The following DLGAP1 variants were observed in gnomAD, a reference collection of about 807,000 sequenced individuals.
DLGAP1 encodes the protein disks large-associated protein 1.
A neutral mutation model predicts 90.8 loss-of-function variants in DLGAP1; 11 were observed. That is an observed-to-expected ratio of 0.12 (90% CI 0.08 to 0.20). DLGAP1 has a LOEUF of 0.20. DLGAP1 is among the 10% of genes least tolerant of loss of function. The pLI, the probability that DLGAP1 is intolerant of heterozygous loss-of-function variation, is 1.00. For synonymous variants in DLGAP1, 558 were observed against 540.7 expected, an observed-to-expected ratio of 1.03 and a Z score of -0.44; for missense variants, 1,050 against 1,333.8, an observed-to-expected ratio of 0.79 and a Z score of 3.31.
intron 4 of DLGAP1, 63 bp from the exon 5 acceptor site, chr18:3,814,336 C>CA (rs2066987411): frequency 1.6e-5 from 18 of 1,147,414 alleles, no homozygotes; most frequent in Non-Finnish European, 2.2e-5. Flanking sequence ...TTTTCTTTTT[C>CA]TTTTTTTTTA....
intron 6 of DLGAP1, among the ~76,000 whole-genome samples, chr18:3,731,424 ATTC>A (rs1482928807): frequency 6.6e-6 from 1 of 151,998 alleles, no homozygotes; most frequent in African/African-American, 2.4e-5. Flanking sequence ...TTAAACTTAT[ATTC>A]TTTTCTTTTT....
chr18:3,993,585 T>C (rs116758800), intron 3 of DLGAP1, among the ~76,000 whole-genome samples: 98 of 152,214 alleles, frequency 6.4e-4, no homozygotes, highest in African/African-American at 2.1e-3. Flanking sequence ...TGCATTTGAA[T>C]TATTATTTAT....
At chr18:4,104,020 A>G (rs1349814473) in intron 2 of DLGAP1, among the ~76,000 whole-genome samples, 3 of 152,122 alleles carry the variant, frequency 2.0e-5, no homozygotes, top group African/African-American at 7.2e-5. Flanking sequence ...GTCTGTGTGT[A>G]TTCTTTAATC....
intron 5 of DLGAP1, among the ~76,000 whole-genome samples, chr18:3,753,298 T>C (rs368634876): frequency 1.3e-5 from 2 of 152,314 alleles, no homozygotes; most frequent in East Asian, 1.9e-4. Flanking sequence ...TGTGAACAGA[T>C]GGCAGCCTTG....
intron 2 of DLGAP1, among the ~76,000 whole-genome samples, chr18:4,145,865 C>T (rs1057037130): frequency 5.3e-5 from 8 of 152,082 alleles, no homozygotes; most frequent in African/African-American, 9.6e-5. Flanking sequence ...GAAAACAAAA[C>T]GTAATTTGCA....
chr18:4,343,034 G>A lies in DLGAP1; in HGVS notation c.-267+111972C>T, dbSNP rs201175139. On this transcript the variant is annotated intron_variant, in intron 1 of 12. Coordinates refer to ENST00000315677, the MANE Select transcript of DLGAP1 (RefSeq NM_004746.4). ...CTAAGTTTGGATTATGGGGCCGGGC[G>A]CGGTGGCTCATGCCTGTAATGCCAG... is the stretch of plus-strand genomic sequence containing the variant. Among the ~76,000 whole-genome samples, 19 of 152,202 alleles carry A rather than the reference G, an allele frequency of 1.2e-4. No individual in the cohort carries two copies. In the East Asian group the frequency reaches 2.3e-3, roughly 19 times the overall value.
At chr18:3,553,435 T>TTTTTCTTATCATTAATTGCA (rs2053584891) in intron 9 of DLGAP1, among the ~76,000 whole-genome samples, 1 of 152,168 alleles carries the variant, frequency 6.6e-6, no homozygotes, top group South Asian at 2.1e-4. Context: ...TACTACTTTG[T>TTTTTCTTATCATTAATTGCA]TTTTCTTATC....
rs372322706 is a variant in DLGAP1 at position 4,348,749 on chromosome 18, G to T, written c.-267+106257C>A. Among the ~76,000 whole-genome samples, 46 of 152,050 alleles carry T rather than the reference G, an allele frequency of 3.0e-4. No homozygotes were observed. In the East Asian group the frequency reaches 3.7e-3, roughly 12 times the overall value. ...GTGGCATCAGAGTCACCCTGAAGGA[G>T]CCCCCAATGGCCAATTCTAGAATGA... is the stretch of plus-strand genomic sequence containing the variant. On this transcript the variant is annotated intron_variant, in intron 1 of 12. Coordinates refer to ENST00000315677, the MANE Select transcript of DLGAP1 (RefSeq NM_004746.4).
In DLGAP1 at chr18:3,571,761, C is replaced by T. The variant is rs185613953; in HGVS notation, c.1966-4180G>A. Among the ~76,000 whole-genome samples, 94 of 150,724 alleles carry T rather than the reference C, an allele frequency of 6.2e-4. 8 individuals are homozygous for T. Among genetic ancestry groups the T allele is most frequent in the South Asian group, 6.0e-3 (27 of 4,474 alleles). On this transcript the variant is annotated intron_variant, in intron 8 of 12. Transcript: ENST00000315677. ...CAGGATGGTCTGGATCTCTTGACCT[C>T]GTGATCCGCCCGCCTCGGCCTCCCA...
intron 1 of DLGAP1, among the ~76,000 whole-genome samples, chr18:4,376,921 T>C (rs151292420): frequency 1.3e-5 from 2 of 152,302 alleles, no homozygotes; most frequent in African/African-American, 2.4e-5. Context: ...TCCTTGACAA[T>C]GGTTATCTAG....
At chr18:3,564,326 G>A (rs989025330) in intron 9 of DLGAP1, among the ~76,000 whole-genome samples, 2 of 151,964 alleles carry the variant, frequency 1.3e-5, no homozygotes, top group African/African-American at 2.4e-5. Context: ...TTTCTCTTAC[G>A]TGGGATAAGG....
At chr18:3,896,432 A>G (rs2071627068) in intron 3 of DLGAP1, 1 of 152,236 alleles carries the variant, frequency 6.6e-6, no homozygotes, top group Non-Finnish European at 1.5e-5. Flanking sequence ...AAAAAGGATA[A>G]TACTACCATA....
At position 3,971,254 on chromosome 18, in the gene DLGAP1, T is replaced by C. The variant is rs547275286; in HGVS notation, c.-73+33862A>G. Among the ~76,000 whole-genome samples, 4 of 152,344 alleles carry C rather than the reference T, an allele frequency of 2.6e-5. No homozygotes were observed. In the East Asian group the frequency reaches 7.7e-4, roughly 29 times the overall value. Reference sequence around the variant, plus strand: ...TTGACCAGTTTGTGATGGTAGTTTCTATTATTTCTTTTCAGAGGTAGGAGT... The same window carrying C: ...TTGACCAGTTTGTGATGGTAGTTTCCATTATTTCTTTTCAGAGGTAGGAGT... On this transcript the variant is annotated intron_variant, in intron 3 of 12. Transcript: ENST00000315677.
chr18:3,891,827 C>T (rs2071467967), intron 3 of DLGAP1: 1 of 152,050 alleles, frequency 6.6e-6, no homozygotes, highest in African/African-American at 2.4e-5. Flanking sequence ...TTATAGCTCA[C>T]TGTAACCTGG....
intron 3 of DLGAP1, among the ~76,000 whole-genome samples, chr18:3,989,517 T>C (rs944966722): frequency 2.0e-5 from 3 of 152,220 alleles, no homozygotes; most frequent in East Asian, 3.8e-4. Context: ...ACAGGATGTG[T>C]AGCTTGAACA....
chr18:3,961,219 C>T (rs541785130), intron 3 of DLGAP1, among the ~76,000 whole-genome samples: 10 of 152,116 alleles, frequency 6.6e-5, no homozygotes, highest in Non-Finnish European at 1.3e-4. Flanking sequence ...CTCTCTCCTG[C>T]GGTATGAGTG....
chr18:4,133,988 G>A (rs2076359263), intron 2 of DLGAP1, among the ~76,000 whole-genome samples: 1 of 141,714 alleles, frequency 7.1e-6, no homozygotes, highest in Non-Finnish European at 1.5e-5. Context: ...TGAGATAATA[G>A]TGGTCCTAAA....
intron 2 of DLGAP1, among the ~76,000 whole-genome samples, chr18:4,149,619 C>T (rs934100427): frequency 3.9e-5 from 6 of 152,168 alleles, no homozygotes; most frequent in Non-Finnish European, 8.8e-5. Flanking sequence ...AGTGGGCCAG[C>T]GTGCATTACG....
intron 3 of DLGAP1, among the ~76,000 whole-genome samples, chr18:3,923,211 T>C (rs1158927282): frequency 6.6e-6 from 1 of 151,754 alleles, no homozygotes; most frequent in Non-Finnish European, 1.5e-5. Flanking sequence ...TAGTGTTCAT[T>C]GGAGAAGAAC....
Sources: gnomAD v4.1 joint callset for allele counts (sites outside exome capture counted in the v4.1 genomes callset) on GRCh38, gnomAD v4.1.1 for gene constraint, MANE v1.5 for transcripts, NCBI Gene and HGNC (gene_info 2026-07-23, HGNC 2026-07-21) for gene names.